Variants in BDH1 observed in about 807,000 individuals in gnomAD.
BDH1 encodes the protein D-beta-hydroxybutyrate dehydrogenase, mitochondrial.
A neutral mutation model predicts 33.1 loss-of-function variants in BDH1; 30 were observed. That is an observed-to-expected ratio of 0.91 (90% CI 0.68 to 1.23). The LOEUF (loss-of-function observed/expected upper bound fraction) is 1.23. Ranked by LOEUF, BDH1 falls within the 50% of genes most tolerant of loss-of-function variation. The pLI, the probability that BDH1 is intolerant of heterozygous loss-of-function variation, is 0.00. For missense variants in BDH1, 443 were observed against 464.4 expected, an observed-to-expected ratio of 0.95 and a Z score of 0.42; for synonymous variants, 190 against 183.6, an observed-to-expected ratio of 1.03 and a Z score of -0.28.
chr3:197,535,397 C>T (rs761114989), intron 3 of BDH1, among the ~76,000 whole-genome samples: 3 of 152,198 alleles, frequency 2.0e-5, no homozygotes, highest in Non-Finnish European at 4.4e-5. Context: ...GGGTCTACTG[C>T]AGGGGCAAAA....
rs1258898306 is a variant in BDH1 at position 197,532,474 on chromosome 3, A to T, written c.205T>A (p.Phe69Ile). The change falls in exon 5 of 8, where the codon TTC (phenylalanine) becomes ATC (isoleucine). Residue 69 changes from phenylalanine (F) to isoleucine (I), a missense_variant. Phe to Ile is a conservative substitution (Grantham distance 21, BLOSUM62 0). Transcript: ENST00000392379. ...LVTGCDSGFG[F>I]SLAKHLHSKG... ...GAATGCAGATGCTTGGCCAATGAGA[A>T]CCCAAATCCAGAGTCACAGCCTGTG... The T allele has an allele frequency of 6.2e-7, 1 of 1,614,116 alleles. No homozygotes were observed. The highest frequency in any genetic ancestry group is 1.3e-5 in the African/African-American group (1 of 74,944).
At chr3:197,571,605 T>C (rs1717609371) in intron 1 of BDH1, among the ~76,000 whole-genome samples, 1 of 152,242 alleles carries the variant, frequency 6.6e-6, no homozygotes. Context: ...GTTCTCTCTC[T>C]TGCCTGCCAC....
intron 6 of BDH1, chr3:197,515,723 G>A (rs976304507): frequency 2.1e-6 from 2 of 945,370 alleles, no homozygotes; most frequent in Non-Finnish European, 2.4e-6. Flanking sequence ...TCCACGCCAG[G>A]CTTCCAAGAA....
At chr3:197,519,803 A>G (rs1166086239) in intron 6 of BDH1, among the ~76,000 whole-genome samples, 2 of 152,112 alleles carry the variant, frequency 1.3e-5, no homozygotes, top group African/African-American at 4.8e-5. Flanking sequence ...GGCTGGTCCC[A>G]GGCTCCAGAT....
Position 197,523,116 on chromosome 3 carries a change from T to C in BDH1, c.268-335A>G. ...TGGGGAGTACAGGACATGTCAGGAATTACCACGTGGGGATGGAAACCCAGG... is the reference window on the plus strand; with the variant it reads ...TGGGGAGTACAGGACATGTCAGGAACTACCACGTGGGGATGGAAACCCAGG... On this transcript the variant is annotated intron_variant, in intron 5 of 7. Coordinates refer to ENST00000392379, the MANE Select transcript of BDH1 (RefSeq NM_203314.3). The surrounding 1 kb of genome is among the most constrained non-coding windows in gnomAD (Gnocchi z 4.5). 1 of 294,264 alleles carries C rather than the reference T, an allele frequency of 3.4e-6. No homozygotes were observed. The highest frequency in any genetic ancestry group is 6.2e-6 in the Non-Finnish European group (1 of 160,214). 18.2% of individuals were successfully genotyped at this position (294,264 alleles called of 1,614,324 possible).
At chr3:197,542,454 C>A (rs1715712818) in intron 3 of BDH1, among the ~76,000 whole-genome samples, 1 of 151,982 alleles carries the variant, frequency 6.6e-6, no homozygotes, top group Non-Finnish European at 1.5e-5. Context: ...AACAGCTATG[C>A]CGGTCTCAGT....
In BDH1 at chr3:197,522,359, G is replaced by A. The variant is rs1040626937; in HGVS notation, c.409+281C>T. On this transcript the variant is annotated intron_variant, in intron 6 of 7. Coordinates refer to ENST00000392379, the MANE Select transcript of BDH1 (RefSeq NM_203314.3). This position sits in a 1 kb window ranked among gnomAD's most constrained non-coding sequence, Gnocchi z 4.8. ...GGCACCCAACCCAGCTCCTGGGCCA[G>A]AGGGGGCATCAATGGGCATTGGCTG... Among the ~76,000 whole-genome samples, 1 of 152,186 alleles carries A rather than the reference G, an allele frequency of 6.6e-6. No individual in the cohort carries two copies. Among genetic ancestry groups the A allele is most frequent in the African/African-American group, 2.4e-5 (1 of 41,438 alleles).
rs376363976 is a variant in BDH1, at chr3:197,521,388, AC to A, written c.409+1251del. Among the ~76,000 whole-genome samples the A allele has an allele frequency of 5.3e-5, 8 of 152,276 alleles. No homozygotes were observed. Among genetic ancestry groups the A allele is most frequent in the African/African-American group, 1.9e-4 (8 of 41,540 alleles). On this transcript the variant is annotated intron_variant, in intron 6 of 7. Coordinates refer to ENST00000392379, the MANE Select transcript of BDH1 (RefSeq NM_203314.3). This position sits in a 1 kb window ranked among gnomAD's most constrained non-coding sequence, Gnocchi z 4.9. ...GGAAGGATATTTTAGTCCTTATGCTACTGGAACTTTCTGTAGCTTTTGACCC... is the reference window on the plus strand; with the variant it reads ...GGAAGGATATTTTAGTCCTTATGCTATGGAACTTTCTGTAGCTTTTGACCC...
chr3:197,569,312 C>T (rs1179442685), intron 1 of BDH1, among the ~76,000 whole-genome samples: 1 of 151,980 alleles, frequency 6.6e-6, no homozygotes, highest in Non-Finnish European at 1.5e-5. Flanking sequence ...TTATAATCAG[C>T]TGGGCATCAT....
At chr3:197,537,390 AACTT>A (rs1454459927) in intron 3 of BDH1, among the ~76,000 whole-genome samples, 7 of 152,236 alleles carry the variant, frequency 4.6e-5, no homozygotes, top group Non-Finnish European at 8.8e-5. Context: ...AACCCTGCTA[AACTT>A]ACTTATTAGT....
At chr3:197,555,039 C>T (rs1406465457) in intron 1 of BDH1, among the ~76,000 whole-genome samples, 1 of 152,248 alleles carries the variant, frequency 6.6e-6, no homozygotes, top group African/African-American at 2.4e-5. Context: ...CAGCCAAAGC[C>T]CCCTTGTCCT....
chr3:197,552,949 G>A (rs368980241), intron 2 of BDH1, among the ~76,000 whole-genome samples: 4 of 152,090 alleles, frequency 2.6e-5, no homozygotes, highest in Admixed American at 2.0e-4. Context: ...ATGGAATCTC[G>A]TTCTGTTACC....
chr3:197,569,087 T>G (rs2686107), intron 1 of BDH1, among the ~76,000 whole-genome samples: 66,916 of 152,046 alleles, frequency 0.44, 16,274 homozygotes, highest in African/African-American at 0.65. Flanking sequence ...CAAATAACTT[T>G]CCCACAACAA....
At chr3:197,562,148 A>T (rs1279502159) in intron 1 of BDH1, among the ~76,000 whole-genome samples, 1 of 152,242 alleles carries the variant, frequency 6.6e-6, no homozygotes, top group Non-Finnish European at 1.5e-5. Flanking sequence ...TGGAGCATGT[A>T]ATGGCAGACG....
At chr3:197,536,117 C>T (rs1447116610) in intron 3 of BDH1, among the ~76,000 whole-genome samples, 11 of 152,004 alleles carry the variant, frequency 7.2e-5, no homozygotes, top group South Asian at 2.1e-4. Context: ...TTGTATAAGA[C>T]GTCAGACTTA....
chr3:197,555,316 G>A (rs1006759413), intron 1 of BDH1: 3 of 152,702 alleles, frequency 2.0e-5, no homozygotes, highest in African/African-American at 7.2e-5. Context: ...ACAGGGCCTA[G>A]AGCCCGGGGC....
chr3:197,543,558 G>A (rs1443359158), intron 3 of BDH1, among the ~76,000 whole-genome samples: 1 of 152,250 alleles, frequency 6.6e-6, no homozygotes, highest in Non-Finnish European at 1.5e-5. Context: ...TGGGGAGCCA[G>A]TAAGCACAGC....
At chr3:197,518,475 A>G (rs937444851) in intron 6 of BDH1, among the ~76,000 whole-genome samples, 1 of 8,138 alleles carries the variant, frequency 1.2e-4, no homozygotes, top group African/African-American at 4.8e-4. Flanking sequence ...CCTCAGGCTG[A>G]CCCCCCCGAT....
At chr3:197,561,168 G>T (rs1033265232) in intron 1 of BDH1, among the ~76,000 whole-genome samples, 2 of 152,122 alleles carry the variant, frequency 1.3e-5, no homozygotes, top group African/African-American at 4.8e-5. Context: ...GATTCTGAGT[G>T]GAGATGCCCC....
Sources: allele counts gnomAD v4.1 joint callset (sites outside exome capture counted in the v4.1 genomes callset), GRCh38; gene constraint gnomAD v4.1.1; non-coding constraint Gnocchi (gnomAD v3.1); transcripts MANE v1.5; gene names NCBI Gene and HGNC (gene_info 2026-07-23, HGNC 2026-07-21).